The following FTO variants were observed in gnomAD, a reference collection of about 807,000 sequenced individuals.
The protein encoded by FTO is FTO alpha-ketoglutarate dependent dioxygenase.
In FTO, 47 loss-of-function variants were observed where a neutral mutation model predicts 63.9. The observed-to-expected ratio is 0.74, with a 90% CI of 0.58 to 0.94. The LOEUF (loss-of-function observed/expected upper bound fraction) is 0.94, where lower values mean the gene tolerates loss of function less well. Ranked by LOEUF, FTO falls within the 40% of genes least tolerant of loss-of-function variation. FTO has a pLI of 0.00. For synonymous variants in FTO, 207 were observed against 224.4 expected (o/e 0.92, Z 0.69); for missense variants, 562 against 618.1 (o/e 0.91, Z 0.96).
chr16:53,843,298 A>G (rs533077031), intron 3 of FTO, among the ~76,000 whole-genome samples: 2 of 152,332 alleles, frequency 1.3e-5, no homozygotes, highest in East Asian at 3.9e-4. Flanking sequence ...TAATTTTGAT[A>G]GTATTGCCAA....
At chr16:53,705,887 T>C (rs889725024) in intron 1 of FTO, among the ~76,000 whole-genome samples, 1 of 152,210 alleles carries the variant, frequency 6.6e-6, no homozygotes, top group Admixed American at 6.5e-5. Flanking sequence ...TTGGCTGAAA[T>C]AGAATCACTG....
At chr16:53,980,454 G>T (rs567499658) in intron 8 of FTO, among the ~76,000 whole-genome samples, 2 of 152,286 alleles carry the variant, frequency 1.3e-5, no homozygotes, top group South Asian at 2.1e-4. Context: ...GAGGGAAAAG[G>T]GCTGAAATCC....
intron 7 of FTO, among the ~76,000 whole-genome samples, chr16:53,918,215 T>C (rs2081927960): frequency 6.6e-6 from 1 of 151,208 alleles, no homozygotes; most frequent in Non-Finnish European, 1.5e-5. Flanking sequence ...AATGTCTCAT[T>C]AGGTGATGTT....
At chr16:54,007,226 C>G (rs917938190) in intron 8 of FTO, among the ~76,000 whole-genome samples, 1 of 151,898 alleles carries the variant, frequency 6.6e-6, no homozygotes, top group Non-Finnish European at 1.5e-5. Context: ...TTAATGGGTG[C>G]GGCACACCAG....
chr16:54,119,108 TCTTTAGGTTTTTCA>T lies in FTO; in HGVS notation c.*7194_*7207del, dbSNP rs1167817389. 1.3e-5 allele frequency: 2 copies of T among 152,158 alleles called. No individual in the cohort carries two copies. The highest frequency in any genetic ancestry group is 2.9e-5 in the Non-Finnish European group (2 of 68,048). 9.4% of individuals were successfully genotyped at this position (152,158 alleles called of 1,614,324 possible). A position where few individuals can be genotyped will look rare whatever the true frequency, so the allele number is the denominator to read the frequency against. On this transcript the variant is annotated 3_prime_UTR_variant, in exon 9 of 9. Transcript: ENST00000471389. ...AGTCTCAATGAATCATGTTAAGGCC[TCTTTAGGTTTTTCA>T]GACTCCATGCACCCTGTGGAAACTG...
intron 1 of FTO, among the ~76,000 whole-genome samples, chr16:53,735,533 T>C (rs2076373287): frequency 6.6e-6 from 1 of 152,228 alleles, no homozygotes; most frequent in African/African-American, 2.4e-5. Flanking sequence ...CAGAAAATGA[T>C]GAGTTGATCA....
intron 8 of FTO, among the ~76,000 whole-genome samples, chr16:54,079,115 A>C (rs572291407): frequency 6.6e-6 from 1 of 152,164 alleles, no homozygotes; most frequent in South Asian, 2.1e-4. Context: ...ATTACTGACT[A>C]TTATGTGACA....
chr16:54,121,590 C>G lies in FTO; in HGVS notation c.*9675C>G, dbSNP rs1460797014. On this transcript the variant is annotated 3_prime_UTR_variant, in exon 9 of 9. Coordinates refer to ENST00000471389, the MANE Select transcript of FTO (RefSeq NM_001080432.3). ...CGCAGGGAAGCAGGCCGAGCCTGATCTTTTCTCCGCTAGAACTGCTCAACA... is the reference window on the plus strand; with the variant it reads ...CGCAGGGAAGCAGGCCGAGCCTGATGTTTTCTCCGCTAGAACTGCTCAACA... 1 of 152,224 alleles carries G rather than the reference C, an allele frequency of 6.6e-6. No individual in the cohort carries two copies. Among genetic ancestry groups the G allele is most frequent in the Non-Finnish European group, 1.5e-5 (1 of 68,066 alleles). The allele number at this position is 152,224 out of a possible 1,614,324, so 9.4% of individuals were successfully genotyped here. A position where few individuals can be genotyped will look rare whatever the true frequency, so the allele number is the denominator to read the frequency against.
intron 3 of FTO, among the ~76,000 whole-genome samples, chr16:53,838,497 G>C (rs2079372351): frequency 6.6e-6 from 1 of 151,134 alleles, no homozygotes; most frequent in South Asian, 2.1e-4. Flanking sequence ...TTTTAGTAGA[G>C]ACGGGATTTC....
At chr16:53,826,794 G>C (rs2151777679) in intron 3 of FTO, among the ~76,000 whole-genome samples, 1 of 152,190 alleles carries the variant, frequency 6.6e-6, no homozygotes, top group East Asian at 1.9e-4. Context: ...GCAGCCTCTT[G>C]GTTTCATACA....
intron 1 of FTO, among the ~76,000 whole-genome samples, chr16:53,799,703 T>C (rs1200396163): frequency 6.6e-6 from 1 of 152,206 alleles, no homozygotes; most frequent in Non-Finnish European, 1.5e-5. Context: ...TTTCACTCTC[T>C]GGGCAAGTCT....
At chr16:53,851,215 A>G (rs757403548) in intron 4 of FTO, among the ~76,000 whole-genome samples, 4 of 151,424 alleles carry the variant, frequency 2.6e-5, no homozygotes, top group Non-Finnish European at 5.9e-5. Flanking sequence ...TGGGAGGCCA[A>G]GGCGGACGGA....
chr16:53,899,631 A>G (rs2081354221), intron 7 of FTO, among the ~76,000 whole-genome samples: 1 of 152,198 alleles, frequency 6.6e-6, no homozygotes, highest in Admixed American at 6.6e-5. Context: ...CACTTCAGAC[A>G]GATCCCAGGA....
intron 8 of FTO, among the ~76,000 whole-genome samples, chr16:54,038,323 GT>G (rs2084991677): frequency 6.6e-6 from 1 of 152,182 alleles, no homozygotes; most frequent in Admixed American, 6.5e-5. Context: ...CGTTTCCAGT[GT>G]TTAGAGGTGG....
intron 5 of FTO, among the ~76,000 whole-genome samples, chr16:53,879,312 A>G (rs1218229519): frequency 6.6e-6 from 1 of 152,212 alleles, no homozygotes; most frequent in Non-Finnish European, 1.5e-5. Flanking sequence ...CCAGCAAACT[A>G]AGTGGCCCAA....
intron 8 of FTO, among the ~76,000 whole-genome samples, chr16:53,952,567 T>C (rs1448925901): frequency 6.6e-6 from 1 of 152,218 alleles, no homozygotes; most frequent in Non-Finnish European, 1.5e-5. Context: ...TTTTCCCCAG[T>C]CACTTTAAAT....
intron 8 of FTO, among the ~76,000 whole-genome samples, chr16:53,985,721 T>G (rs12325409): frequency 0.14 from 20,738 of 152,236 alleles, 1,770 homozygotes; most frequent in African/African-American, 0.24. Flanking sequence ...TCTCCACCTC[T>G]GACTCTTAGT....
chr16:54,076,125 G>A (rs1483197197), intron 8 of FTO, among the ~76,000 whole-genome samples: 4 of 152,096 alleles, frequency 2.6e-5, no homozygotes, highest in Non-Finnish European at 5.9e-5. Flanking sequence ...AGCTCTGGCA[G>A]GGTTTTGATG....
At chr16:54,078,470 C>T (rs1238406366) in intron 8 of FTO, among the ~76,000 whole-genome samples, 1 of 149,708 alleles carries the variant, frequency 6.7e-6, no homozygotes, top group Non-Finnish European at 1.5e-5. Flanking sequence ...AGTAACATAT[C>T]CCTTACTAAA....
Sources: gnomAD v4.1 joint callset for allele counts (sites outside exome capture counted in the v4.1 genomes callset) on GRCh38, gnomAD v4.1.1 for gene constraint, MANE v1.5 for transcripts, NCBI Gene and HGNC (gene_info 2026-07-23, HGNC 2026-07-21) for gene names.